DOK6: variants seen among roughly 807,000 people sequenced by gnomAD.
The protein encoded by DOK6 is docking protein 6, also known as downstream of tyrosine kinase 6.
A neutral mutation model predicts 44.0 loss-of-function variants in DOK6; 22 were observed. That is an observed-to-expected ratio of 0.50 (90% CI 0.36 to 0.71). The LOEUF (loss-of-function observed/expected upper bound fraction) is 0.71. DOK6 is among the 30% of genes least tolerant of loss of function. DOK6 has a pLI of 0.00. For missense variants in DOK6, 340 were observed against 416.4 expected, an observed-to-expected ratio of 0.82 and a Z score of 1.60; for synonymous variants, 166 against 145.5, an observed-to-expected ratio of 1.14 and a Z score of -1.01.
intron 7 of DOK6, among the ~76,000 whole-genome samples, chr18:69,790,101 A>G (rs1980547772): frequency 6.6e-6 from 1 of 152,140 alleles, no homozygotes; most frequent in African/African-American, 2.4e-5. Context: ...GTGACCAGAG[A>G]TTTTGTCAAA....
chr18:69,556,746 CCTAT>C lies in DOK6; in HGVS notation c.67-7736_67-7733del, dbSNP rs1420344313. On this transcript the variant is annotated intron_variant, in intron 1 of 7. Transcript: ENST00000382713. ...ATCTGTGTACCTATCTATGGATCTA[CCTAT>C]CTATTTAACAGCCATTAAATATAAG... 1.5e-4 allele frequency among the ~76,000 whole-genome samples: 23 copies of C among 152,284 alleles called. No homozygotes were observed. In the South Asian group the frequency reaches 1.9e-3, roughly 12 times the overall value.
chr18:69,496,617 C>T (rs890914002), intron 1 of DOK6, among the ~76,000 whole-genome samples: 2 of 152,228 alleles, frequency 1.3e-5, no homozygotes, highest in African/African-American at 4.8e-5. Flanking sequence ...GACTAATCTC[C>T]ATTCATTCCT....
At chr18:69,487,085 T>A (rs1980597776) in intron 1 of DOK6, among the ~76,000 whole-genome samples, 1 of 151,266 alleles carries the variant, frequency 6.6e-6, no homozygotes, top group Non-Finnish European at 1.5e-5. Context: ...AGGAGGAGAG[T>A]GAATGGAAGA....
At chr18:69,832,879 A>G (rs921060893) in intron 7 of DOK6, 1 of 152,174 alleles carries the variant, frequency 6.6e-6, no homozygotes, top group East Asian at 1.9e-4. Context: ...CTTTACAACA[A>G]GGGACAATAT....
intron 1 of DOK6, among the ~76,000 whole-genome samples, chr18:69,525,236 T>G (rs1981797767): frequency 6.6e-6 from 1 of 151,898 alleles, no homozygotes; most frequent in Non-Finnish European, 1.5e-5. Flanking sequence ...GCAACCTTGA[T>G]TGTTACCATT....
chr18:69,803,044 AAGAT>A (rs1980949269), intron 7 of DOK6, among the ~76,000 whole-genome samples: 1 of 152,108 alleles, frequency 6.6e-6, no homozygotes, highest in African/African-American at 2.4e-5. Flanking sequence ...TGATATATGA[AAGAT>A]AGATTGAAAG....
chr18:69,510,128 A>T (rs1316427698), intron 1 of DOK6, among the ~76,000 whole-genome samples: 1 of 152,224 alleles, frequency 6.6e-6, no homozygotes, highest in Non-Finnish European at 1.5e-5. Flanking sequence ...TTTTAAAGTC[A>T]TTTTGGCTAA....
chr18:69,635,297 G>C (rs115451091), intron 3 of DOK6, among the ~76,000 whole-genome samples: 2,442 of 152,164 alleles, frequency 0.016, 58 homozygotes, highest in African/African-American at 0.055. Context: ...TCCTCATATG[G>C]ATTGGCTTGA....
At chr18:69,506,303 G>A (rs1269537938) in intron 1 of DOK6, among the ~76,000 whole-genome samples, 2 of 152,146 alleles carry the variant, frequency 1.3e-5, no homozygotes, top group East Asian at 1.9e-4. Flanking sequence ...GTAAAATTTT[G>A]TAAGCCCTTA....
intron 7 of DOK6, among the ~76,000 whole-genome samples, chr18:69,762,749 CT>C (rs1164955584): frequency 3.9e-5 from 6 of 152,112 alleles, no homozygotes. Flanking sequence ...AGTAAGACAC[CT>C]ATAACTTCAG....
chr18:69,594,225 G>A lies in DOK6; in HGVS notation c.175-5159G>A, dbSNP rs540406644. Among the ~76,000 whole-genome samples the A allele has an allele frequency of 5.2e-4, 79 of 150,966 alleles. 1 individual carries two copies. Among genetic ancestry groups the A allele is most frequent in the Middle Eastern group, 3.4e-3 (1 of 290 alleles). On this transcript the variant is annotated intron_variant, in intron 2 of 7. Coordinates refer to ENST00000382713, the MANE Select transcript of DOK6 (RefSeq NM_152721.6). ...AAGGGAAAATGAATGTTTTCAGATA[G>A]ATGGATGGACAGATAGATAGCAAAT...
chr18:69,550,769 GTTTC>G (rs1169922934), intron 1 of DOK6, among the ~76,000 whole-genome samples: 3 of 124,814 alleles, frequency 2.4e-5, no homozygotes, highest in African/African-American at 8.5e-5. Context: ...TGTTGTTGTT[GTTTC>G]TTTCTTTTTT....
chr18:69,505,230 A>G (rs567172343), intron 1 of DOK6, among the ~76,000 whole-genome samples: 287 of 152,278 alleles, frequency 1.9e-3, no homozygotes, highest in African/African-American at 6.4e-3. Context: ...TTGGAGGTGG[A>G]GATAATGATG....
intron 7 of DOK6, among the ~76,000 whole-genome samples, chr18:69,791,533 T>G (rs1980597832): frequency 6.6e-6 from 1 of 152,224 alleles, no homozygotes; most frequent in Non-Finnish European, 1.5e-5. Context: ...CATACACCTG[T>G]TTGCCATTCG....
intron 4 of DOK6, among the ~76,000 whole-genome samples, chr18:69,693,761 A>T (rs1300072014): frequency 2.6e-5 from 4 of 152,006 alleles, no homozygotes; most frequent in Non-Finnish European, 5.9e-5. Context: ...GTTCCTGCAT[A>T]AAATAGATCT....
intron 7 of DOK6, among the ~76,000 whole-genome samples, chr18:69,828,093 A>C (rs1483765927): frequency 6.6e-6 from 1 of 151,904 alleles, no homozygotes; most frequent in Non-Finnish European, 1.5e-5. Context: ...TTGATTATTA[A>C]AACTCTCTAA....
At chr18:69,648,608 C>T (rs552153850) in intron 3 of DOK6, among the ~76,000 whole-genome samples, 1 of 152,202 alleles carries the variant, frequency 6.6e-6, no homozygotes, top group South Asian at 2.1e-4. Context: ...GAGGACATGG[C>T]GATGTGAAAC....
intron 1 of DOK6, among the ~76,000 whole-genome samples, chr18:69,434,766 A>T (rs1436223191): frequency 1.3e-5 from 2 of 151,296 alleles, no homozygotes; most frequent in Admixed American, 1.3e-4. Context: ...TACAAAAAAT[A>T]CAAAAATTAG....
At chr18:69,813,443 T>C (rs1442311411) in intron 7 of DOK6, among the ~76,000 whole-genome samples, 1 of 152,086 alleles carries the variant, frequency 6.6e-6, no homozygotes, top group East Asian at 1.9e-4. Context: ...GTCCCTAATG[T>C]TTCTATGCTT....
Sources: gnomAD v4.1 joint callset for allele counts (sites outside exome capture counted in the v4.1 genomes callset) on GRCh38, gnomAD v4.1.1 for gene constraint, MANE v1.5 for transcripts, NCBI Gene and HGNC (gene_info 2026-07-23, HGNC 2026-07-21) for gene names.